CNTNAP5: variants seen among roughly 807,000 people sequenced by gnomAD.
CNTNAP5 encodes the protein contactin-associated protein-like 5.
Under a neutral mutation model 150.2 loss-of-function variants are expected in CNTNAP5, and 72 were observed. The ratio of observed to expected loss-of-function variants is 0.48; its 90% CI spans 0.40 to 0.58. The LOEUF (loss-of-function observed/expected upper bound fraction) is 0.58. Ranked by LOEUF, CNTNAP5 falls within the 20% of genes least tolerant of loss-of-function variation. The probability of loss-of-function intolerance (pLI) is 0.00; values close to 1 mark genes in which losing one functional copy is unlikely to be tolerated. For synonymous variants in CNTNAP5, 672 were observed against 619.8 expected (o/e 1.08, Z -1.25); for missense variants, 1,636 against 1,626.2 (o/e 1.01, Z -0.10).
At chr2:124,729,288 G>A (rs955873719) in intron 13 of CNTNAP5, among the ~76,000 whole-genome samples, 1 of 152,006 alleles carries the variant, frequency 6.6e-6, no homozygotes, top group Non-Finnish European at 1.5e-5. Context: ...TTTTATTAAT[G>A]TAATACAATG....
chr2:124,170,267 T>C (rs970510214), intron 1 of CNTNAP5, among the ~76,000 whole-genome samples: 7 of 152,022 alleles, frequency 4.6e-5, no homozygotes, highest in African/African-American at 1.4e-4. Flanking sequence ...TGTTTTTGTT[T>C]TTCCTGAAAG....
At chr2:124,050,134 T>C (rs536507272) in intron 1 of CNTNAP5, among the ~76,000 whole-genome samples, 2 of 152,112 alleles carry the variant, frequency 1.3e-5, no homozygotes, top group Non-Finnish European at 2.9e-5. Context: ...GTTCACTCAT[T>C]GATAGATATT....
intron 6 of CNTNAP5, among the ~76,000 whole-genome samples, chr2:124,458,199 A>T (rs1020583994): frequency 1.4e-5 from 2 of 141,894 alleles, no homozygotes; most frequent in Non-Finnish European, 3.0e-5. Flanking sequence ...TAAAGAAACT[A>T]ATATATATAT....
In CNTNAP5 at chr2:124,168,633, AAAG is replaced by A. The variant is rs1361660600; in HGVS notation, c.83-53066_83-53064del. ...TGGGGATTAGACCTGGCCTCAACAG[AAAG>A]AAGAACAAAACAGGAAAGCAAATGG... On this transcript the variant is annotated intron_variant, in intron 1 of 23. Coordinates refer to ENST00000682447, the MANE Select transcript of CNTNAP5 (RefSeq NM_001367498.1). Among the ~76,000 whole-genome samples, 4 of 152,340 alleles carry A rather than the reference AAAG, an allele frequency of 2.6e-5. No homozygotes were observed. The East Asian group carries it at 5.8e-4, about 22-fold the overall frequency.
chr2:124,456,484 C>G (rs1163944171), intron 6 of CNTNAP5, among the ~76,000 whole-genome samples: 3 of 152,072 alleles, frequency 2.0e-5, no homozygotes, highest in Middle Eastern at 3.2e-3. Flanking sequence ...GTGAAAATGA[C>G]CATAATTGCC....
At chr2:124,602,682 G>A (rs1697012812) in intron 11 of CNTNAP5, among the ~76,000 whole-genome samples, 1 of 152,034 alleles carries the variant, frequency 6.6e-6, no homozygotes, top group Admixed American at 6.6e-5. Flanking sequence ...TGTAAAAACG[G>A]GGATCTAACT....
intron 1 of CNTNAP5, among the ~76,000 whole-genome samples, chr2:124,150,782 C>T (rs115168047): frequency 0.021 from 3,246 of 152,280 alleles, 49 homozygotes; most frequent in Non-Finnish European, 0.032. Context: ...TCCTAAAGGT[C>T]CCATCTTTAC....
intron 6 of CNTNAP5, among the ~76,000 whole-genome samples, chr2:124,470,593 T>C (rs950369696): frequency 1.3e-5 from 2 of 152,188 alleles, no homozygotes; most frequent in African/African-American, 4.8e-5. Context: ...TTGCCAATTT[T>C]TGCTTTAGTT....
chr2:124,242,085 T>A, intron 2 of CNTNAP5, 115 bp from the exon 3 acceptor site: 1 of 782,154 alleles, frequency 1.3e-6, no homozygotes, highest in South Asian at 1.8e-5. Flanking sequence ...TAGGGCCCAT[T>A]TGGGGGTAGA....
At chr2:124,321,107 T>C (rs1338297746) in intron 3 of CNTNAP5, among the ~76,000 whole-genome samples, 2 of 152,028 alleles carry the variant, frequency 1.3e-5, no homozygotes, top group Non-Finnish European at 2.9e-5. Flanking sequence ...GCTTACCCCA[T>C]TGTAAGGATG....
intron 1 of CNTNAP5, among the ~76,000 whole-genome samples, chr2:124,108,596 G>A (rs550155876): frequency 1.3e-5 from 2 of 152,270 alleles, no homozygotes; most frequent in South Asian, 2.1e-4. Flanking sequence ...AAATGCCTAC[G>A]TTCCTCTCTC....
chr2:124,892,025 C>A lies in CNTNAP5; in HGVS notation c.3437-10857C>A, dbSNP rs143533640. ...AAGTCATTAAGGCTATCTAAGGCTA[C>A]AGTCTATGGAGAGGGAAGTATAAGT... On this transcript the variant is annotated intron_variant, in intron 21 of 23. Coordinates refer to ENST00000682447, the MANE Select transcript of CNTNAP5 (RefSeq NM_001367498.1). Among the ~76,000 whole-genome samples the A allele has an allele frequency of 1.9e-3, 291 of 152,164 alleles. 2 individuals are homozygous for A. The highest frequency in any genetic ancestry group is 6.7e-3 in the African/African-American group (278 of 41,532).
chr2:124,200,122 C>A (rs1209183750), intron 1 of CNTNAP5, among the ~76,000 whole-genome samples: 1 of 152,202 alleles, frequency 6.6e-6, no homozygotes, highest in East Asian at 1.9e-4. Flanking sequence ...AGACACCCTT[C>A]CAATCCTAAT....
intron 14 of CNTNAP5, among the ~76,000 whole-genome samples, chr2:124,753,977 A>G (rs1341077540): frequency 6.6e-6 from 1 of 152,204 alleles, no homozygotes; most frequent in Non-Finnish European, 1.5e-5. Context: ...GCCCCAGGAC[A>G]TTGCCCTCCC....
chr2:124,363,103 A>G (rs1690263571), intron 3 of CNTNAP5, among the ~76,000 whole-genome samples: 1 of 152,206 alleles, frequency 6.6e-6, no homozygotes, highest in Non-Finnish European at 1.5e-5. Context: ...ATATGAAGGC[A>G]CTATGATGTT....
At chr2:124,859,610 G>GT (rs1212960118) in intron 19 of CNTNAP5, among the ~76,000 whole-genome samples, 1 of 152,136 alleles carries the variant, frequency 6.6e-6, no homozygotes, top group Non-Finnish European at 1.5e-5. Context: ...ACATGAACAC[G>GT]TATGTTTATT....
chr2:124,030,693 G>A (rs1681024098), intron 1 of CNTNAP5, among the ~76,000 whole-genome samples: 1 of 152,052 alleles, frequency 6.6e-6, no homozygotes, highest in South Asian at 2.1e-4. Context: ...GATGCAAAAT[G>A]CTAAACATCA....
chr2:124,570,511 G>T (rs1182756641), intron 11 of CNTNAP5, among the ~76,000 whole-genome samples: 2 of 152,182 alleles, frequency 1.3e-5, no homozygotes, highest in African/African-American at 4.8e-5. Context: ...AATGAATTGA[G>T]AAGGAACTTA....
At chr2:124,682,515 A>T (rs998536266) in intron 13 of CNTNAP5, among the ~76,000 whole-genome samples, 1 of 152,156 alleles carries the variant, frequency 6.6e-6, no homozygotes, top group Non-Finnish European at 1.5e-5. Context: ...ATTGTCTGCA[A>T]GACTGCAGGC....
Sources: allele counts gnomAD v4.1 joint callset (sites outside exome capture counted in the v4.1 genomes callset), GRCh38; gene constraint gnomAD v4.1.1; transcripts MANE v1.5; gene names NCBI Gene and HGNC (gene_info 2026-07-23, HGNC 2026-07-21).